OR2Z1: variants seen among roughly 807,000 people sequenced by gnomAD.
OR2Z1 encodes olfactory receptor 2Z1.
For synonymous variants in OR2Z1, 188 were observed against 160.6 expected, an observed-to-expected ratio of 1.17 and a Z score of -1.29; for missense variants, 449 against 401.8, an observed-to-expected ratio of 1.12 and a Z score of -1.00.
chr19:8,727,791 G>C (rs1293089387), intron 2 of OR2Z1, among the ~76,000 whole-genome samples: 2 of 152,124 alleles, frequency 1.3e-5, no homozygotes, highest in African/African-American at 2.4e-5. Context: ...TGCTTGAACC[G>C]GGGAGGCGGA....
intron 2 of OR2Z1, among the ~76,000 whole-genome samples, chr19:8,725,252 A>AT (rs1457234039): frequency 9.2e-5 from 14 of 151,864 alleles, no homozygotes; most frequent in South Asian, 4.2e-4. Context: ...TTTTCTTTTA[A>AT]TTTTTTTTGT....
chr19:8,729,260 CCA>C, intron 2 of OR2Z1: 1 of 597,256 alleles, frequency 1.7e-6, no homozygotes, highest in Non-Finnish European at 3.0e-6. Flanking sequence ...TCTGAAGTCC[CCA>C]GTGTCTGCTG....
chr19:8,723,828 G>A (rs568001237), intron 2 of OR2Z1, among the ~76,000 whole-genome samples: 2 of 152,220 alleles, frequency 1.3e-5, no homozygotes, highest in South Asian at 4.2e-4. Flanking sequence ...CTGAAACCAG[G>A]GGAAATGCCA....
chr19:8,724,316 G>C (rs1268932267), intron 2 of OR2Z1, among the ~76,000 whole-genome samples: 1 of 151,906 alleles, frequency 6.6e-6, no homozygotes, highest in South Asian at 2.1e-4. Context: ...GCTCACTGCA[G>C]CTTCCACCTC....
chr19:8,723,608 C>T (rs533255574), intron 2 of OR2Z1, among the ~76,000 whole-genome samples: 2 of 138,218 alleles, frequency 1.4e-5, no homozygotes, highest in East Asian at 2.4e-4. Context: ...TTTACACATA[C>T]AGTGCGTGTG....
At chr19:8,724,752 T>G (rs2043321072) in intron 2 of OR2Z1, among the ~76,000 whole-genome samples, 1 of 152,126 alleles carries the variant, frequency 6.6e-6, no homozygotes, top group African/African-American at 2.4e-5. Flanking sequence ...TTACTGAGAA[T>G]GGGGTACAAA....
chr19:8,731,444 A>G lies in OR2Z1; in HGVS notation c.416A>G (p.Gln139Arg). The change falls in exon 3 of 3, where the codon CAG becomes CGG. Residue 139 changes from glutamine (Q) to arginine (R), a missense_variant. Physicochemically the swap from Gln to Arg is conservative, Grantham distance 43. Transcript: ENST00000641125. ...PLQYPVLMRR[Q>R]VCLLMMGSSW... is the part of the protein sequence containing the mutation. ...CAGTATCCTGTACTTATGAGACGCC[A>G]GGTATGTCTGCTGATGATGGGCTCC... 1 of 1,613,964 alleles carries G rather than the reference A, an allele frequency of 6.2e-7. No homozygotes were observed. Among genetic ancestry groups the G allele is most frequent in the Non-Finnish European group, 8.5e-7 (1 of 1,180,010 alleles).
intron 2 of OR2Z1, among the ~76,000 whole-genome samples, chr19:8,725,534 C>G (rs929596092): frequency 5.9e-5 from 9 of 152,156 alleles, no homozygotes; most frequent in Non-Finnish European, 1.3e-4. Flanking sequence ...TGAGCCACTA[C>G]GCCCAGCCAA....
chr19:8,730,881 C>A lies in OR2Z1; in HGVS notation c.-148C>A. The A allele has an allele frequency of 1.6e-6, 1 of 631,134 alleles. No homozygotes were observed. Among genetic ancestry groups the A allele is most frequent in the South Asian group, 2.0e-5 (1 of 51,120 alleles). The allele number at this position is 631,134 out of a possible 1,614,324, so 39.1% of individuals were successfully genotyped here. On this transcript the variant is annotated 5_prime_UTR_variant, in exon 3 of 3. Coordinates refer to ENST00000641125, the MANE Select transcript of OR2Z1 (RefSeq NM_001004699.3). ...CCAGCCTACTGATTCTAGCTGCAGCCTCATTACTCTTCTCAAGACACCATC... is the reference window on the plus strand; with the variant it reads ...CCAGCCTACTGATTCTAGCTGCAGCATCATTACTCTTCTCAAGACACCATC...
intron 2 of OR2Z1, chr19:8,729,086 G>T: frequency 3.4e-6 from 4 of 1,193,782 alleles, no homozygotes; most frequent in African/African-American, 1.5e-5. Context: ...GTGACATGTG[G>T]GATCTTTTTT....
chr19:8,726,457 G>A (rs1442282526), intron 2 of OR2Z1, among the ~76,000 whole-genome samples: 3 of 152,192 alleles, frequency 2.0e-5, no homozygotes, highest in Non-Finnish European at 4.4e-5. Context: ...ACCATACCAG[G>A]CAGCTCTCAC....
intron 2 of OR2Z1, among the ~76,000 whole-genome samples, chr19:8,726,287 C>T (rs1277143979): frequency 2.0e-5 from 3 of 152,102 alleles, no homozygotes; most frequent in Admixed American, 6.6e-5. Context: ...TTTTAATGAC[C>T]AGATCTCGCA....
At position 8,721,796 on chromosome 19, in the gene OR2Z1, C is replaced by T. The variant is rs2043308950; in HGVS notation, c.-461C>T. 6.6e-6 allele frequency: 1 copy of T among 152,230 alleles called. No individual in the cohort carries two copies. Among genetic ancestry groups the T allele is most frequent in the Non-Finnish European group, 1.5e-5 (1 of 68,078 alleles). The allele number at this position is 152,230 out of a possible 1,614,324, so 9.4% of individuals were successfully genotyped here. Reference sequence around the variant, plus strand: ...GCAAGGGGTGGGCACCTCACCTTGGCCATGGGGCCGGGACTAGAACAACCC... The same window carrying T: ...GCAAGGGGTGGGCACCTCACCTTGGTCATGGGGCCGGGACTAGAACAACCC... On this transcript the variant is annotated 5_prime_UTR_variant, in exon 1 of 3. Coordinates refer to ENST00000641125, the MANE Select transcript of OR2Z1 (RefSeq NM_001004699.3).
chr19:8,730,512 C>T lies in OR2Z1; in HGVS notation c.-169-348C>T, dbSNP rs375310220. On this transcript the variant is annotated intron_variant, in intron 2 of 2. Transcript: ENST00000641125. ...TCGGCTCACTGCAACCTCCACCACC[C>T]GGGTTCAAGCAATTCTCCTGTGTCA... 6.2e-4 allele frequency among the ~76,000 whole-genome samples: 94 copies of T among 152,140 alleles called. No individual in the cohort carries two copies. In the South Asian group the frequency reaches 0.016, roughly 25 times the overall value.
Position 8,730,953 on chromosome 19 carries a change from A to G in OR2Z1, c.-76A>G. 8.4e-7 allele frequency: 1 copy of G among 1,194,050 alleles called. No homozygotes were observed. Among genetic ancestry groups the G allele is most frequent in the Non-Finnish European group, 1.2e-6 (1 of 830,882 alleles). The allele number at this position is 1,194,050 out of a possible 1,614,324, so 74.0% of individuals were successfully genotyped here. On this transcript the variant is annotated 5_prime_UTR_variant, in exon 3 of 3. Transcript: ENST00000641125. ...ATGATGATTGGCATGTGAGATGAAA[A>G]TTATTTGCCACCCCATGCAGGCTTC...
chr19:8,722,800 T>C (rs1216735850), intron 1 of OR2Z1, among the ~76,000 whole-genome samples: 1 of 151,984 alleles, frequency 6.6e-6, no homozygotes, highest in Non-Finnish European at 1.5e-5. Flanking sequence ...AAACTGGGAT[T>C]AAGGGACCAG....
intron 2 of OR2Z1, among the ~76,000 whole-genome samples, chr19:8,724,633 A>G (rs1258010463): frequency 6.6e-6 from 1 of 152,090 alleles, no homozygotes; most frequent in Non-Finnish European, 1.5e-5. Flanking sequence ...CTTCCCAAAA[A>G]CTTAGATTTG....
In OR2Z1 at chr19:8,729,747, C is replaced by T. The variant is rs544593987; in HGVS notation, c.-169-1113C>T. 5.2e-4 allele frequency among the ~76,000 whole-genome samples: 79 copies of T among 152,234 alleles called. 2 individuals are homozygous for T. Among genetic ancestry groups the T allele is most frequent in the African/African-American group, 6.3e-4 (26 of 41,556 alleles). On this transcript the variant is annotated intron_variant, in intron 2 of 2. Transcript: ENST00000641125. ...ATGGGATTACAGGCATATGCCACCA[C>T]GCTCAGCTAATTTTGTATTTTTAGT...
intron 2 of OR2Z1, among the ~76,000 whole-genome samples, chr19:8,728,246 GC>G (rs1411524548): frequency 6.6e-6 from 1 of 152,220 alleles, no homozygotes; most frequent in African/African-American, 2.4e-5. Flanking sequence ...CTTGGAGGTT[GC>G]CGAAGAGAGG....
Sources: allele counts gnomAD v4.1 joint callset (sites outside exome capture counted in the v4.1 genomes callset), GRCh38; gene constraint gnomAD v4.1.1; transcripts MANE v1.5; gene names NCBI Gene and HGNC (gene_info 2026-07-23, HGNC 2026-07-21).